The following MASTL variants were observed in gnomAD, a reference collection of about 807,000 sequenced individuals.
MASTL encodes microtubule associated serine/threonine kinase like, also known as serine/threonine-protein kinase greatwall.
Under a neutral mutation model 82.5 loss-of-function variants are expected in MASTL, and 54 were observed. The observed-to-expected ratio is 0.65, with a 90% confidence interval of 0.53 to 0.82. The LOEUF (loss-of-function observed/expected upper bound fraction) is 0.82, where lower values mean the gene tolerates loss of function less well. Among genes scored for constraint, MASTL ranks in the 40% least tolerant of loss-of-function variants. MASTL has a pLI of 0.00. For missense variants in MASTL, 950 were observed against 1,047.8 expected, an observed-to-expected ratio of 0.91 and a Z score of 1.29; for synonymous variants, 323 against 368.9, an observed-to-expected ratio of 0.88 and a Z score of 1.43.
In MASTL at chr10:27,186,544, A is replaced by G. The variant is rs201251613; in HGVS notation, c.*8A>G. 24 of 1,613,426 alleles carry G rather than the reference A, an allele frequency of 1.5e-5. No individual in the cohort carries two copies. Among genetic ancestry groups the G allele is most frequent in the Non-Finnish European group, 1.8e-5 (21 of 1,179,608 alleles). The stretch of plus-strand genomic sequence containing the variant: ...TCTGGATTTAGTCTGTAGCACAAAA[A>G]TTTTCCTTTTAGTCTAGCCTTGTGT... On this transcript the variant is annotated 3_prime_UTR_variant, in exon 12 of 12. Coordinates refer to ENST00000375940, the MANE Select transcript of MASTL (RefSeq NM_001172303.3).
chr10:27,179,426 A>G (rs2058203885), intron 9 of MASTL, among the ~76,000 whole-genome samples: 1 of 152,104 alleles, frequency 6.6e-6, no homozygotes, highest in Non-Finnish European at 1.5e-5. Context: ...GCATGGTGGC[A>G]GGCGCCTGTA....
Position 27,170,808 on chromosome 10 carries a change from A to G in MASTL, c.1849A>G (p.Lys617Glu). Reference protein sequence around the residue: ...PLIVTPDCQEKTSPKGVENPA... With the variant: ...PLIVTPDCQEETSPKGVENPA... ...TATTGTAACACCAGATTGCCAAGAAAAGACCTCACCAAAAGGTGTCGAGAA... is the reference window on the plus strand; with the variant it reads ...TATTGTAACACCAGATTGCCAAGAAGAGACCTCACCAAAAGGTGTCGAGAA... Residue 617 changes from lysine (K) to glutamate (E), a missense_variant, in exon 8 of 12, where the codon AAG (lysine) becomes GAG (glutamate). Transcript: ENST00000375940. The G allele has an allele frequency of 6.2e-7, 1 of 1,614,212 alleles. No homozygotes were observed. The highest frequency in any genetic ancestry group is 8.5e-7 in the Non-Finnish European group (1 of 1,180,024).
At chr10:27,168,146 T>TTTATTA (rs2057798647) in intron 7 of MASTL, among the ~76,000 whole-genome samples, 1 of 152,184 alleles carries the variant, frequency 6.6e-6, no homozygotes, top group Non-Finnish European at 1.5e-5. Context: ...GCAATAGAAT[T>TTTATTA]TTATTATTAT....
Position 27,155,573 on chromosome 10 carries a change from G to A in MASTL, c.147G>A (p.Val49=). ...TTAGCCGGGGCGCCTTCGGGAAAGT[G>A]TATCTGGGGCAGAAAGGCGGCAAAT... The part of the protein sequence containing the change: ...KPISRGAFGK[V]YLGQKGGKLY... Residue 49 remains valine, a synonymous_variant, in exon 1 of 12, where the codon GTG becomes GTA. Transcript: ENST00000375940. 1 of 1,614,166 alleles carries A rather than the reference G, an allele frequency of 6.2e-7. No individual in the cohort carries two copies. Among genetic ancestry groups the A allele is most frequent in the Non-Finnish European group, 8.5e-7 (1 of 1,179,986 alleles).
Position 27,187,190 on chromosome 10 carries a change from C to T in MASTL, c.*654C>T, listed in dbSNP as rs549433343. On this transcript the variant is annotated 3_prime_UTR_variant, in exon 12 of 12. Transcript: ENST00000375940. ...TGGTGGGCGCCTGTAGTCCCAGCTA[C>T]TCTGGAGGCTGAGGCAGGAGAATCG... Among the ~76,000 whole-genome samples the T allele has an allele frequency of 6.6e-6, 1 of 152,282 alleles. No homozygotes were observed. The highest frequency in any genetic ancestry group is 1.5e-5 in the Non-Finnish European group (1 of 68,026).
At position 27,165,570 on chromosome 10, in the gene MASTL, C is replaced by T. The variant is rs761757196; in HGVS notation, c.811+31C>T. 2.5e-6 allele frequency: 4 copies of T among 1,608,022 alleles called. No homozygotes were observed. The South Asian group carries it at 3.3e-5, about 13-fold the overall frequency. On this transcript the variant is annotated intron_variant, in intron 6 of 11. Transcript: ENST00000375940. ...TATAAAAGAAAAGGTAGGCCAGGCG[C>T]AGAGGCTTACACCTGTAATACTACC...
At chr10:27,176,384 C>G (rs946976673) in intron 9 of MASTL, among the ~76,000 whole-genome samples, 1 of 152,160 alleles carries the variant, frequency 6.6e-6, no homozygotes, top group African/African-American at 2.4e-5. Flanking sequence ...TCTTCCAAAA[C>G]CATCACATGG....
chr10:27,185,191 C>T (rs1482152854), intron 11 of MASTL, among the ~76,000 whole-genome samples: 3 of 152,190 alleles, frequency 2.0e-5, no homozygotes, highest in Non-Finnish European at 4.4e-5. Flanking sequence ...GCAATAGATA[C>T]TGCTAAGGAG....
rs2097409678 is a variant in MASTL, at chr10:27,170,358, G to C, written c.1399G>C (p.Glu467Gln). The change falls in exon 8 of 12, where the codon GAG becomes CAG. Residue 467 changes from glutamate to glutamine, a missense_variant. Physicochemically the swap from Glu to Gln is conservative, Grantham distance 29 (BLOSUM62 2). Transcript: ENST00000375940. ...TATACAGAATAAAAAAACTTGTGTA[G>C]AGTATAAGCATAACGAAATGACAAA... Reference protein sequence around the residue: ...KIIQNKKTCVEYKHNEMTNCY... With the variant: ...KIIQNKKTCVQYKHNEMTNCY... The C allele has an allele frequency of 1.2e-6, 2 of 1,613,598 alleles. No individual in the cohort carries two copies. Among genetic ancestry groups the C allele is most frequent in the South Asian group, 2.2e-5 (2 of 91,016 alleles).
intron 4 of MASTL, among the ~76,000 whole-genome samples, chr10:27,164,100 C>G (rs944222142): frequency 2.0e-5 from 3 of 152,096 alleles, no homozygotes; most frequent in Admixed American, 1.3e-4. Flanking sequence ...GCCACCACAC[C>G]CAGCTAATTT....
At position 27,156,141 on chromosome 10, in the gene MASTL, A is replaced by T. The variant is rs1053600643; in HGVS notation, c.186+529A>T. On this transcript the variant is annotated intron_variant, in intron 1 of 11. Transcript: ENST00000375940. Reference sequence around the variant, plus strand: ...TGCCTCGGCCTCCCGACGAGCTGGGACTACAAGCGCCCGTCACCACGCCCG... The same window carrying T: ...TGCCTCGGCCTCCCGACGAGCTGGGTCTACAAGCGCCCGTCACCACGCCCG... Among the ~76,000 whole-genome samples, 5 of 152,252 alleles carry T rather than the reference A, an allele frequency of 3.3e-5. No homozygotes were observed. In the South Asian group the frequency reaches 1.0e-3, roughly 32 times the overall value.
In MASTL at chr10:27,178,502, T is replaced by C. The variant is rs569538026; in HGVS notation, c.2267-2451T>C. On this transcript the variant is annotated intron_variant, in intron 9 of 11. Coordinates refer to ENST00000375940, the MANE Select transcript of MASTL (RefSeq NM_001172303.3). ...AAGTGTAACAATATCAACATATCCC[T>C]ATAAACTAAAGAAATGAGTTTTGAA... Among the ~76,000 whole-genome samples, 4 of 152,276 alleles carry C rather than the reference T, an allele frequency of 2.6e-5. No individual in the cohort carries two copies. The East Asian group carries it at 7.7e-4, about 29-fold the overall frequency.
At position 27,186,629 on chromosome 10, in the gene MASTL, GATC is replaced by G. The variant is rs1219513702; in HGVS notation, c.*96_*98del. ...ATACTAGATTGATCTAAGGGGGAAA[GATC>G]ATTATTTAACCTAGTTCAATGTGCT... On this transcript the variant is annotated 3_prime_UTR_variant, in exon 12 of 12. Coordinates refer to ENST00000375940, the MANE Select transcript of MASTL (RefSeq NM_001172303.3). 13 of 1,167,264 alleles carry G rather than the reference GATC, an allele frequency of 1.1e-5. No individual in the cohort carries two copies. Among genetic ancestry groups the G allele is most frequent in the Non-Finnish European group, 1.5e-5 (12 of 775,478 alleles). 72.3% of individuals were successfully genotyped at this position (1,167,264 alleles called of 1,614,324 possible). A position where few individuals can be genotyped will look rare whatever the true frequency, so the allele number is the denominator to read the frequency against.
At chr10:27,177,795 A>G in intron 9 of MASTL, 1 of 967,782 alleles carries the variant, frequency 1.0e-6, no homozygotes, top group African/African-American at 1.8e-5. Flanking sequence ...GTTTTCTTAC[A>G]TGCAGGATTT....
chr10:27,155,653 CG>C, intron 1 of MASTL, 41 bp downstream of exon 1: 1 of 1,609,474 alleles, frequency 6.2e-7, no homozygotes, highest in African/African-American at 1.3e-5. Flanking sequence ...TTAGGCCCTT[CG>C]GCCCTCCTTC....
Position 27,172,642 on chromosome 10 carries a change from G to A in MASTL, c.2125-476G>A, listed in dbSNP as rs576433971. On this transcript the variant is annotated intron_variant, in intron 8 of 11. Coordinates refer to ENST00000375940, the MANE Select transcript of MASTL (RefSeq NM_001172303.3). ...GCACTCCAGCCTGGGCAACAAGAGC[G>A]AAACTCCATCTCAAAAAAAAAAACT... 7.9e-5 allele frequency among the ~76,000 whole-genome samples: 12 copies of A among 151,472 alleles called. No individual in the cohort carries two copies. The East Asian group carries it at 2.1e-3, about 27-fold the overall frequency.
intron 4 of MASTL, among the ~76,000 whole-genome samples, chr10:27,164,847 AG>A (rs1174707566): frequency 2.0e-5 from 3 of 151,858 alleles, no homozygotes; most frequent in Non-Finnish European, 4.4e-5. Context: ...CATGTTGGCC[AG>A]GCTGGTCTCG....
chr10:27,155,757 C>CTT, intron 1 of MASTL, 145 bp downstream of exon 1: 10 of 898,836 alleles, frequency 1.1e-5, no homozygotes, highest in South Asian at 1.4e-5. Flanking sequence ...TGCGAGCTGA[C>CTT]TTCTTTTTGG....
chr10:27,170,197 C>T lies in MASTL; in HGVS notation c.1238C>T (p.Thr413Ile), dbSNP rs753272213. The T allele has an allele frequency of 6.2e-7, 1 of 1,614,122 alleles. No individual in the cohort carries two copies. The change falls in exon 8 of 12, where the codon ACT (threonine) becomes ATT (isoleucine). Residue 413 changes from threonine (T) to isoleucine (I), a missense_variant. Physicochemically the swap from Thr to Ile is moderately conservative, Grantham distance 89. Coordinates refer to ENST00000375940, the MANE Select transcript of MASTL (RefSeq NM_001172303.3). Reference sequence around the variant, plus strand: ...GATGTAAATAATATAAATATGGACACTGACACAAGTCAGTTAGGTTTCCAT... The same window carrying T: ...GATGTAAATAATATAAATATGGACATTGACACAAGTCAGTTAGGTTTCCAT... ...ELDVNNINMD[T>I]DTSQLGFHQS...
Sources: gnomAD v4.1 joint callset for allele counts (sites outside exome capture counted in the v4.1 genomes callset) on GRCh38, gnomAD v4.1.1 for gene constraint, MANE v1.5 for transcripts, NCBI Gene and HGNC (gene_info 2026-07-23, HGNC 2026-07-21) for gene names.